MCF2L2: variants seen among roughly 807,000 people sequenced by gnomAD.
MCF2L2 encodes probable guanine nucleotide exchange factor MCF2L2.
In MCF2L2, 102 loss-of-function variants were observed where a neutral mutation model predicts 150.2. That is an observed-to-expected ratio of 0.68 (90% CI 0.58 to 0.80). The LOEUF (loss-of-function observed/expected upper bound fraction) is 0.80. Ranked by LOEUF, MCF2L2 falls within the 30% of genes least tolerant of loss-of-function variation. The pLI is 0.00. For synonymous variants in MCF2L2, 465 were observed against 491.3 expected, an observed-to-expected ratio of 0.95 and a Z score of 0.71; for missense variants, 1,256 against 1,372.8, an observed-to-expected ratio of 0.91 and a Z score of 1.34.
At chr3:183,380,532 G>A (rs1355135841) in intron 2 of MCF2L2, among the ~76,000 whole-genome samples, 1 of 152,160 alleles carries the variant, frequency 6.6e-6, no homozygotes, top group Non-Finnish European at 1.5e-5. Flanking sequence ...CTCGTGAGTA[G>A]CTGGGATTAC....
intron 13 of MCF2L2, among the ~76,000 whole-genome samples, chr3:183,289,738 C>A (rs1004038618): frequency 2.6e-5 from 4 of 152,178 alleles, no homozygotes; most frequent in Non-Finnish European, 5.9e-5. Flanking sequence ...TGCCTGTAAT[C>A]CTAGTTACTC....
intron 13 of MCF2L2, among the ~76,000 whole-genome samples, chr3:183,294,525 T>TTA (rs200803788): frequency 3.4e-4 from 49 of 144,856 alleles, no homozygotes; most frequent in East Asian, 1.2e-3. Flanking sequence ...GCTAATTTAT[T>TTA]TATATATATA....
intron 1 of MCF2L2, among the ~76,000 whole-genome samples, chr3:183,401,012 G>T (rs78445084): frequency 0.074 from 11,243 of 152,126 alleles, 872 homozygotes; most frequent in African/African-American, 0.19. Flanking sequence ...AACGGTAAAG[G>T]TTCAGATCCT....
chr3:183,258,156 T>A (rs370645116), intron 15 of MCF2L2: 1 of 152,104 alleles, frequency 6.6e-6, no homozygotes, highest in East Asian at 1.9e-4. Flanking sequence ...TTAGTAGAGA[T>A]GGGGTTTCAC....
intron 15 of MCF2L2, among the ~76,000 whole-genome samples, chr3:183,259,472 A>AT (rs2108412109): frequency 6.6e-6 from 1 of 152,240 alleles, no homozygotes; most frequent in Admixed American, 6.5e-5. Context: ...TCTCTTCATC[A>AT]GGTTTACTTC....
At chr3:183,419,364 G>A (rs1560067682) in intron 1 of MCF2L2, among the ~76,000 whole-genome samples, 1 of 152,160 alleles carries the variant, frequency 6.6e-6, no homozygotes, top group Admixed American at 6.5e-5. Context: ...CCATTATCTT[G>A]GCTATTAACA....
At position 183,415,482 on chromosome 3, in the gene MCF2L2, C is replaced by T. The variant is rs974746072; in HGVS notation, c.76+12420G>A. On this transcript the variant is annotated intron_variant, in intron 1 of 29. Transcript: ENST00000328913. ...GATTACAGGCGTCAGCCACCGCACC[C>T]GGCCAATAGTTGAATTTTCTATGTC... 8.5e-5 allele frequency among the ~76,000 whole-genome samples: 13 copies of T among 152,144 alleles called. No individual in the cohort carries two copies. The East Asian group carries it at 9.6e-4, about 11-fold the overall frequency.
Position 183,297,100 on chromosome 3 carries a change from C to G in MCF2L2, c.1373G>C (p.Arg458Pro). The G allele has an allele frequency of 6.2e-7, 1 of 1,614,164 alleles. No homozygotes were observed. The highest frequency in any genetic ancestry group is 8.5e-7 in the Non-Finnish European group (1 of 1,180,036). ...ASQAVDKCQSREGVDIALNDI... is the reference protein window; with the variant it reads ...ASQAVDKCQSPEGVDIALNDI... ...GTTCAAGGCGATATCAACCCCTTCT[C>G]GAGACTGGCACTTGTCTACAGCTTG... The change falls in exon 12 of 30, where the codon CGA (arginine) becomes CCA (proline). Residue 458 changes from arginine (R) to proline (P), a missense_variant. Physicochemically the swap from Arg to Pro is moderately radical, Grantham distance 103. Transcript: ENST00000328913.
intron 2 of MCF2L2, among the ~76,000 whole-genome samples, chr3:183,388,508 C>G (rs1331554189): frequency 1.3e-5 from 2 of 152,030 alleles, no homozygotes; most frequent in Admixed American, 6.6e-5. Context: ...ATCTGGGGAG[C>G]AGGGAGACCA....
intron 3 of MCF2L2, among the ~76,000 whole-genome samples, chr3:183,341,860 T>A (rs1276158378): frequency 6.6e-6 from 1 of 152,208 alleles, no homozygotes; most frequent in East Asian, 1.9e-4. Context: ...GGCAAATGCA[T>A]GAAACACCAA....
Position 183,179,184 on chromosome 3 carries a change from G to A in MCF2L2, c.*196C>T, listed in dbSNP as rs1335205054. Reference sequence around the variant, plus strand: ...TGCAGGCGCCTTAGAGCAGCTCCGAGGTCCCCCGTGCGGAGCTAGGCGCGC... The same window carrying A: ...TGCAGGCGCCTTAGAGCAGCTCCGAAGTCCCCCGTGCGGAGCTAGGCGCGC... On this transcript the variant is annotated 3_prime_UTR_variant, in exon 30 of 30. Transcript: ENST00000328913. The surrounding 1 kb of genome is among the most constrained non-coding windows in gnomAD (Gnocchi z 4.2). 7.5e-6 allele frequency: 5 copies of A among 662,394 alleles called. No homozygotes were observed. In the African/African-American group the frequency reaches 7.6e-5, roughly 10 times the overall value. The allele number at this position is 662,394 out of a possible 1,614,324, so 41.0% of individuals were successfully genotyped here. A position where few individuals can be genotyped will look rare whatever the true frequency, so the allele number is the denominator to read the frequency against.
chr3:183,348,021 T>C (rs1276356469), intron 3 of MCF2L2, among the ~76,000 whole-genome samples: 2 of 152,106 alleles, frequency 1.3e-5, no homozygotes, highest in African/African-American at 2.4e-5. Context: ...GATCCAGAAA[T>C]ACCATTTGAC....
At chr3:183,360,973 GAAAAGAAA>G (rs1712115098) in intron 3 of MCF2L2, among the ~76,000 whole-genome samples, 2 of 91,632 alleles carry the variant, frequency 2.2e-5, no homozygotes, top group African/African-American at 7.5e-5. Flanking sequence ...GAAAAGAAAA[GAAAAGAAA>G]AGAAAAGAAA....
chr3:183,220,435 GTTATATC>G (rs1217524320), intron 20 of MCF2L2, among the ~76,000 whole-genome samples: 2 of 152,132 alleles, frequency 1.3e-5, no homozygotes, highest in Admixed American at 6.5e-5. Flanking sequence ...GTGGTAGAGT[GTTATATC>G]TTATAGATAA....
At chr3:183,211,554 T>A (rs965637400) in intron 22 of MCF2L2, among the ~76,000 whole-genome samples, 1 of 152,220 alleles carries the variant, frequency 6.6e-6, no homozygotes, top group Non-Finnish European at 1.5e-5. Flanking sequence ...CTGTTCACTG[T>A]GCTGTGTGGA....
chr3:183,401,565 T>C (rs1307363627), intron 1 of MCF2L2, among the ~76,000 whole-genome samples: 1 of 152,226 alleles, frequency 6.6e-6, no homozygotes, highest in Non-Finnish European at 1.5e-5. Flanking sequence ...AACATTTCCA[T>C]AACCCCAGAA....
intron 7 of MCF2L2, among the ~76,000 whole-genome samples, chr3:183,315,791 C>T (rs1577058027): frequency 6.6e-6 from 1 of 152,314 alleles, no homozygotes; most frequent in East Asian, 1.9e-4. Flanking sequence ...ACCCCTCTGC[C>T]TTGCCCACCA....
chr3:183,347,825 T>C (rs1356409147), intron 3 of MCF2L2, among the ~76,000 whole-genome samples: 2 of 152,172 alleles, frequency 1.3e-5, no homozygotes, highest in African/African-American at 4.8e-5. Flanking sequence ...GGTCATTAGA[T>C]AAATGCAAAT....
chr3:183,295,787 A>C (rs868552731), intron 12 of MCF2L2, among the ~76,000 whole-genome samples: 3 of 152,000 alleles, frequency 2.0e-5, no homozygotes, highest in Admixed American at 1.3e-4. Flanking sequence ...GTGAAATCAC[A>C]TCTCTACTAA....
Sources: gnomAD v4.1 joint callset for allele counts (sites outside exome capture counted in the v4.1 genomes callset) on GRCh38, gnomAD v4.1.1 for gene constraint, Gnocchi (gnomAD v3.1) non-coding constraint, MANE v1.5 for transcripts, NCBI Gene and HGNC (gene_info 2026-07-23, HGNC 2026-07-21) for gene names.